Variants in UNC93B1 observed in about 807,000 individuals in gnomAD.
UNC93B1 encodes the protein protein unc-93 homolog B1.
In UNC93B1, 33 loss-of-function variants were observed where a neutral mutation model predicts 56.8. That is an observed-to-expected ratio of 0.58 (90% CI 0.44 to 0.78). UNC93B1 has a LOEUF of 0.78. Among genes scored for constraint, UNC93B1 ranks in the 30% least tolerant of loss-of-function variants. The pLI is 0.00. For missense variants in UNC93B1, 673 were observed against 819.5 expected (o/e 0.82, Z 2.18); for synonymous variants, 334 against 358.6 (o/e 0.93, Z 0.77).
In UNC93B1 at chr11:68,003,873, GCCCGCCCCGCCCCCGC is replaced by G; in HGVS notation, c.96+59_96+74del. On this transcript the variant is annotated intron_variant, in intron 1 of 10. Coordinates refer to ENST00000227471, the MANE Select transcript of UNC93B1 (RefSeq NM_030930.4). This position sits in a 1 kb window ranked among gnomAD's most constrained non-coding sequence, Gnocchi z 4.4. ...GTCCCCCGGTGCCCGCCGCCCCCCG[GCCCGCCCCGCCCCCGC>G]CGGGGGGACCCTGGCCCACAGGGGA... The G allele has an allele frequency of 7.8e-7, 1 of 1,281,192 alleles. No individual in the cohort carries two copies. The highest frequency in any genetic ancestry group is 2.5e-5 in the South Asian group (1 of 40,324). The allele number at this position is 1,281,192 out of a possible 1,614,324, so 79.4% of individuals were successfully genotyped here.
rs763371967 is a variant in UNC93B1 at position 67,999,475 on chromosome 11, TG to T, written c.554+43del. On this transcript the variant is annotated intron_variant, in intron 4 of 10. Coordinates refer to ENST00000227471, the MANE Select transcript of UNC93B1 (RefSeq NM_030930.4). ...CAAAGTTGGCAATAAAGTGGAGGCT[TG>T]GCCAGGTCTCCAGCCTCCTGCCCTG... The T allele has an allele frequency of 3.1e-5, 48 of 1,543,934 alleles. 1 individual carries two copies. The highest frequency in any genetic ancestry group is 3.7e-5 in the Non-Finnish European group (42 of 1,142,410).
In UNC93B1 at chr11:67,997,722, C is replaced by T. The variant is rs768681233; in HGVS notation, c.859G>A (p.Val287Met). The stretch of plus-strand genomic sequence containing the variant: ...ACTGCCATGAGCACGCTCTCCACCA[C>T]AATGAGGTTTCCGCTCCGCGGGAGC... ...RTLPRSGNLI[V>M]VESVLMAVAF... The change falls in exon 7 of 11, where the codon GTG (valine) becomes ATG (methionine). Residue 287 changes from valine (V) to methionine (M), a missense_variant. Physicochemically the swap from Val to Met is conservative, Grantham distance 21. This residue lies in a region of UNC93B1 where 438 missense variants were observed against 465.9 expected (regional missense o/e 0.94). Coordinates refer to ENST00000227471, the MANE Select transcript of UNC93B1 (RefSeq NM_030930.4). 1 of 1,609,288 alleles carries T rather than the reference C, an allele frequency of 6.2e-7. No individual in the cohort carries two copies. The highest frequency in any genetic ancestry group is 2.2e-5 in the East Asian group (1 of 44,892).
At chr11:67,992,869 G>T (rs1856870558) in intron 10 of UNC93B1, among the ~76,000 whole-genome samples, 1 of 150,502 alleles carries the variant, frequency 6.6e-6, no homozygotes, top group African/African-American at 2.5e-5. Context: ...TTCACAGCCT[G>T]TTACCCAGGC....
chr11:67,997,495 C>G, intron 7 of UNC93B1, 180 bp downstream of exon 7: 2 of 1,109,612 alleles, frequency 1.8e-6, no homozygotes, highest in Non-Finnish European at 2.5e-6. Context: ...AGCCTCATGC[C>G]CGCTCTGCAG....
In UNC93B1 at chr11:67,999,623, G is replaced by T. The variant is rs750013812; in HGVS notation, c.450C>A (p.Val150=). The T allele has an allele frequency of 2.5e-6, 4 of 1,610,992 alleles. No individual in the cohort carries two copies. Among genetic ancestry groups the T allele is most frequent in the Non-Finnish European group, 3.4e-6 (4 of 1,178,692 alleles). Residue 150 remains valine, a synonymous_variant, in exon 4 of 11, where the codon GTC becomes GTA. Transcript: ENST00000227471. ...AGTAGCGCTCCCAGTAGTTGGTGGAGACAAAGAGGGCGTAGATGCCCACAG... is the reference window on the plus strand; with the variant it reads ...AGTAGCGCTCCCAGTAGTTGGTGGATACAAAGAGGGCGTAGATGCCCACAG... ...FLAVGIYALF[V]STNYWERYYT...
chr11:68,002,088 G>A (rs1015176454), intron 3 of UNC93B1, among the ~76,000 whole-genome samples: 1 of 150,582 alleles, frequency 6.6e-6, no homozygotes, highest in Non-Finnish European at 1.5e-5. Context: ...GCAGTGAGCC[G>A]AGATCACACC....
rs779278447 is a variant in UNC93B1 at position 67,999,305 on chromosome 11, C to T, written c.555G>A (p.Arg185=). Residue 185 remains arginine, a splice_region_variant and synonymous_variant, in exon 5 of 11, where the codon AGG becomes AGA. Coordinates refer to ENST00000227471, the MANE Select transcript of UNC93B1 (RefSeq NM_030930.4). ...AGTACTCATGGTACTTCTGCGCCATCCTGGACCACAAAGGAGAGAAGGCTC... is the reference window on the plus strand; with the variant it reads ...AGTACTCATGGTACTTCTGCGCCATTCTGGACCACAAAGGAGAGAAGGCTC... ...LWASMGNYIT[R]MAQKYHEYSH... 13 of 1,611,836 alleles carry T rather than the reference C, an allele frequency of 8.1e-6. No individual in the cohort carries two copies. The South Asian group carries it at 1.1e-4, about 14-fold the overall frequency.
In UNC93B1 at chr11:68,003,957, G is replaced by C. The variant is rs937751489; in HGVS notation, c.87C>G (p.Pro29=). 1.5e-5 allele frequency: 21 copies of C among 1,389,748 alleles called. No homozygotes were observed. Among genetic ancestry groups the C allele is most frequent in the Admixed American group, 7.9e-5 (3 of 38,114 alleles). The allele number at this position is 1,389,748 out of a possible 1,614,324, so 86.1% of individuals were successfully genotyped here. The part of the protein sequence containing the change: ...DEDLLGVPDG[P]EAPLDELVGA... ...CCGGGTCCCCGCTCACCGGGGCCTCGGGCCCGTCCGGGACCCCGAGCAGGT... is the reference window on the plus strand; with the variant it reads ...CCGGGTCCCCGCTCACCGGGGCCTCCGGCCCGTCCGGGACCCCGAGCAGGT... Residue 29 remains proline (P), a synonymous_variant, in exon 1 of 11, where the codon CCC becomes CCG. Transcript: ENST00000227471. The surrounding 1 kb of genome is among the most constrained non-coding windows in gnomAD (Gnocchi z 4.4).
At chr11:67,995,007 C>G (rs976715606) in intron 9 of UNC93B1, among the ~76,000 whole-genome samples, 7 of 152,196 alleles carry the variant, frequency 4.6e-5, no homozygotes, top group Non-Finnish European at 4.4e-5. Context: ...GACCTGGGGC[C>G]TGGACTCTGG....
rs868764017 is a variant in UNC93B1 at position 67,996,769 on chromosome 11, C to A, written c.922G>T (p.Gly308Ter). The A allele has an allele frequency of 6.4e-7, 1 of 1,558,992 alleles. No individual in the cohort carries two copies. Among genetic ancestry groups the A allele is most frequent in the East Asian group, 2.4e-5 (1 of 41,514 alleles). The change falls in exon 8 of 11, where the codon GGA becomes TGA. Residue 308 changes from glycine to a stop codon, truncating the protein, a stop_gained. Coordinates refer to ENST00000227471, the MANE Select transcript of UNC93B1 (RefSeq NM_030930.4). LOFTEE classifies it high-confidence loss of function. ...TCCTCCGTGGGCCGGTAAGCGGCTC[C>A]GCACAAACCCAGCACCTGCGAACCC... Reference protein sequence around the residue: ...LAMLLVLGLCGAAYRPTEEID... With the variant: ...LAMLLVLGLC
rs753085511 is a variant in UNC93B1 at position 67,995,571 on chromosome 11, G to GCCCC, written c.1363+36_1363+39dup. The GCCCC allele has an allele frequency of 7.3e-5, 13 of 178,352 alleles. No homozygotes were observed. The African/African-American group carries it at 1.1e-3, about 16-fold the overall frequency. The allele number at this position is 178,352 out of a possible 1,614,324, so 11.0% of individuals were successfully genotyped here. A position where few individuals can be genotyped will look rare whatever the true frequency, so the allele number is the denominator to read the frequency against. ...CCCACAGATAGCCATAAAGCCCCCT[G>GCCCC]CCCCGCCCCCCCCCCCCCAGTGCCC... On this transcript the variant is annotated intron_variant, in intron 9 of 10. Transcript: ENST00000227471.
chr11:67,999,910 C>A (rs1565126356), intron 3 of UNC93B1, among the ~76,000 whole-genome samples: 1 of 152,384 alleles, frequency 6.6e-6, no homozygotes, highest in Non-Finnish European at 1.5e-5. Context: ...AAACCACAGG[C>A]CTCTCATCAC....
chr11:67,998,963 C>T (rs1236271090), intron 5 of UNC93B1, among the ~76,000 whole-genome samples: 1 of 151,884 alleles, frequency 6.6e-6, no homozygotes, highest in Non-Finnish European at 1.5e-5. Flanking sequence ...CAGTGGTGTG[C>T]GCATGTAGTC....
At chr11:67,996,449 G>T (rs979765975) in intron 8 of UNC93B1, among the ~76,000 whole-genome samples, 153 bp downstream of exon 8, 1 of 152,144 alleles carries the variant, frequency 6.6e-6, no homozygotes, top group Non-Finnish European at 1.5e-5. Flanking sequence ...GGGGACGGGG[G>T]TAAGAGAGGG....
At chr11:68,001,556 G>A (rs191738580) in intron 3 of UNC93B1, among the ~76,000 whole-genome samples, 157 of 152,270 alleles carry the variant, frequency 1.0e-3, no homozygotes, top group African/African-American at 3.7e-3. Context: ...GGCTGAGGTG[G>A]GAGGATTGCT....
In UNC93B1 at chr11:68,003,515, C is replaced by G; in HGVS notation, c.238+142G>C. ...GCTACTTGACCCCCCAACCCCACCCCCGCCGCGGGGGGCCGTGGCTGCAGC... is the reference window on the plus strand; with the variant it reads ...GCTACTTGACCCCCCAACCCCACCCGCGCCGCGGGGGGCCGTGGCTGCAGC... On this transcript the variant is annotated intron_variant, in intron 2 of 10. Coordinates refer to ENST00000227471, the MANE Select transcript of UNC93B1 (RefSeq NM_030930.4). This position sits in a 1 kb window ranked among gnomAD's most constrained non-coding sequence, Gnocchi z 4.4. The G allele has an allele frequency of 4.7e-6, 6 of 1,286,216 alleles. No homozygotes were observed. In the South Asian group the frequency reaches 8.5e-5, roughly 18 times the overall value. The allele number at this position is 1,286,216 out of a possible 1,614,324, so 79.7% of individuals were successfully genotyped here. A position where few individuals can be genotyped will look rare whatever the true frequency, so the allele number is the denominator to read the frequency against.
chr11:67,995,544 C>T lies in UNC93B1; in HGVS notation c.1363+67G>A, dbSNP rs562928802. ...CCTGGGATGTCTATGTCTCGCCAAC[C>T]ACCCACAGATAGCCATAAAGCCCCC... On this transcript the variant is annotated intron_variant, in intron 9 of 10. Transcript: ENST00000227471. The T allele has an allele frequency of 2.0e-5, 25 of 1,246,876 alleles. No homozygotes were observed. In the East Asian group the frequency reaches 7.3e-4, roughly 36 times the overall value. The allele number at this position is 1,246,876 out of a possible 1,614,324, so 77.2% of individuals were successfully genotyped here. A position where few individuals can be genotyped will look rare whatever the true frequency, so the allele number is the denominator to read the frequency against.
Position 67,991,554 on chromosome 11 carries a change from C to T in UNC93B1, c.1786G>A (p.Glu596Lys). 2.1e-6 allele frequency: 3 copies of T among 1,462,944 alleles called. No individual in the cohort carries two copies. The highest frequency in any genetic ancestry group is 2.7e-6 in the Non-Finnish European group (3 of 1,113,878). 90.6% of individuals were successfully genotyped at this position (1,462,944 alleles called of 1,614,324 possible). ...GGGGACCAGGCGGCCCCTCACTGCT[C>T]CTCCGGCCCGTCTCCCCCCTGCGCC... ...EQAQGGDGPEEQ is the reference protein window; with the variant it reads ...EQAQGGDGPEKQ The change falls in exon 11 of 11, where the codon GAG (glutamate) becomes AAG (lysine). Residue 596 changes from glutamate to lysine, a missense_variant. Glu to Lys is a moderately conservative substitution (Grantham distance 56). Coordinates refer to ENST00000227471, the MANE Select transcript of UNC93B1 (RefSeq NM_030930.4).
chr11:68,001,632 G>A (rs1857045419), intron 3 of UNC93B1, among the ~76,000 whole-genome samples: 1 of 151,900 alleles, frequency 6.6e-6, no homozygotes. Flanking sequence ...TCTAACCTGG[G>A]TGACAGAGTG....
Sources: gnomAD v4.1 joint callset for allele counts (sites outside exome capture counted in the v4.1 genomes callset) on GRCh38, gnomAD v4.1.1 for gene constraint, gnomAD v4.1.1 regional missense constraint, Gnocchi (gnomAD v3.1) non-coding constraint, MANE v1.5 for transcripts, NCBI Gene and HGNC (gene_info 2026-07-23, HGNC 2026-07-21) for gene names.